Variants in SRRM4 observed in about 807,000 individuals in gnomAD.
The protein encoded by SRRM4 is serine/arginine repetitive matrix 4.
A neutral mutation model predicts 68.9 loss-of-function variants in SRRM4; 33 were observed. That is an observed-to-expected ratio of 0.48 (90% confidence interval 0.36 to 0.64). SRRM4 has a LOEUF of 0.64. Ranked by LOEUF, SRRM4 falls within the 30% of genes least tolerant of loss-of-function variation. The probability of loss-of-function intolerance (pLI) is 0.00; values close to 1 mark genes in which losing one functional copy is unlikely to be tolerated. For missense variants in SRRM4, 817 were observed against 827.1 expected (o/e 0.99, Z 0.15); for synonymous variants, 318 against 318.8 (o/e 1.00, Z 0.03).
chr12:119,131,118 A>AT, intron 8 of SRRM4, among the ~76,000 whole-genome samples: 1 of 152,170 alleles, frequency 6.6e-6, no homozygotes, highest in Non-Finnish European at 1.5e-5. Flanking sequence ...TATCTGCAGG[A>AT]AGACATGTTT....
chr12:119,050,557 T>A (rs1010368577), intron 1 of SRRM4, among the ~76,000 whole-genome samples: 80 of 152,244 alleles, frequency 5.3e-4, no homozygotes, highest in African/African-American at 1.8e-3. Context: ...CAGCAGAGTG[T>A]AAGACCTTTA....
chr12:119,067,999 A>G (rs1450708470), intron 1 of SRRM4, among the ~76,000 whole-genome samples: 1 of 152,222 alleles, frequency 6.6e-6, no homozygotes, highest in Non-Finnish European at 1.5e-5. Context: ...GGTTGGTGGC[A>G]CACACCTTAC....
chr12:119,113,376 G>T (rs1006984246), intron 2 of SRRM4, among the ~76,000 whole-genome samples: 2 of 152,168 alleles, frequency 1.3e-5, no homozygotes, highest in African/African-American at 4.8e-5. Flanking sequence ...TCAAATCCTA[G>T]CCTGGACACA....
At chr12:119,083,425 T>C (rs1392722368) in intron 1 of SRRM4, among the ~76,000 whole-genome samples, 1 of 152,028 alleles carries the variant, frequency 6.6e-6, no homozygotes, top group Non-Finnish European at 1.5e-5. Flanking sequence ...AGCCTTCAAC[T>C]AATGACTGAT....
At chr12:119,082,641 C>A (rs979341365) in intron 1 of SRRM4, among the ~76,000 whole-genome samples, 2 of 152,242 alleles carry the variant, frequency 1.3e-5, no homozygotes, top group African/African-American at 4.8e-5. Context: ...GCCAGCCCTG[C>A]ACCCAGCAGC....
At chr12:119,100,327 C>CGAAAAAAAAAAA (rs1954070780) in intron 1 of SRRM4, among the ~76,000 whole-genome samples, 1 of 105,446 alleles carries the variant, frequency 9.5e-6, no homozygotes. Context: ...CCTGTCTCTA[C>CGAAAAAAAAAAA]AAAAAAAAAA....
At chr12:119,009,072 CACAT>C (rs3999630) in intron 1 of SRRM4, among the ~76,000 whole-genome samples, 41,327 of 151,794 alleles carry the variant, frequency 0.27, 5,876 homozygotes, top group Non-Finnish European at 0.31. Flanking sequence ...CACACATACT[CACAT>C]ACACACACTC....
intron 8 of SRRM4, among the ~76,000 whole-genome samples, chr12:119,131,887 C>A (rs981410838): frequency 6.6e-6 from 1 of 152,128 alleles, no homozygotes; most frequent in Non-Finnish European, 1.5e-5. Flanking sequence ...TTGAAAATTT[C>A]AGGTAGATGG....
intron 2 of SRRM4, among the ~76,000 whole-genome samples, chr12:119,110,911 G>C (rs1236607519): frequency 6.6e-6 from 1 of 152,144 alleles, no homozygotes; most frequent in Admixed American, 6.5e-5. Context: ...ACTCACGCTG[G>C]GAGCTGTAGA....
intron 1 of SRRM4, among the ~76,000 whole-genome samples, chr12:119,075,833 GTGA>G (rs150272047): frequency 0.58 from 82,455 of 143,136 alleles, 25,003 homozygotes; most frequent in Middle Eastern, 0.77. Flanking sequence ...GATGGTGATG[GTGA>G]TGATGATGAT....
rs1448771127 is a variant in SRRM4, at chr12:118,982,664, A to ATTTTTTTT, written c.131+655_131+656insTTTTTTTT. Among the ~76,000 whole-genome samples, 3 of 59,450 alleles carry ATTTTTTTT rather than the reference A, an allele frequency of 5.0e-5. No homozygotes were observed. The East Asian group carries it at 9.2e-4, about 18-fold the overall frequency. The allele number at this position is 59,450 out of a possible 152,430, so 39.0% of individuals were successfully genotyped here. ...GTGAAGATGATCTTGGAAGAGTTTTATTTTGTTTTTTTTTGTTTTTTTTTT... is the reference window on the plus strand; with the variant it reads ...GTGAAGATGATCTTGGAAGAGTTTTATTTTTTTTTTTTGTTTTTTTTTGTTTTTTTTTT... On this transcript the variant is annotated intron_variant, in intron 1 of 12. Coordinates refer to ENST00000267260, the MANE Select transcript of SRRM4 (RefSeq NM_194286.4).
Position 119,125,446 on chromosome 12 carries a change from G to A in SRRM4, c.581G>A (p.Ser194Asn), listed in dbSNP as rs1475208607. The A allele has an allele frequency of 1.9e-6, 3 of 1,612,950 alleles. No homozygotes were observed. The highest frequency in any genetic ancestry group is 4.5e-5 in the East Asian group (2 of 44,784). Residue 194 changes from serine (S) to asparagine (N), a missense_variant, in exon 7 of 13, where the codon AGC becomes AAC. Coordinates refer to ENST00000267260, the MANE Select transcript of SRRM4 (RefSeq NM_194286.4). Reference protein sequence around the residue: ...RHHRCPSRSQSSESRPSSCES... With the variant: ...RHHRCPSRSQNSESRPSSCES... ...CACCGCTGCCCCTCGCGGTCCCAGAGCTCGGAGTCCCGCCCCTCAAGCTGT... is the reference window on the plus strand; with the variant it reads ...CACCGCTGCCCCTCGCGGTCCCAGAACTCGGAGTCCCGCCCCTCAAGCTGT...
intron 8 of SRRM4, among the ~76,000 whole-genome samples, chr12:119,134,089 A>G (rs1954313508): frequency 6.6e-6 from 1 of 152,234 alleles, no homozygotes; most frequent in African/African-American, 2.4e-5. Context: ...GAGCCCAAGC[A>G]TGAAGGATTT....
At chr12:118,992,884 C>G (rs1953325823) in intron 1 of SRRM4, among the ~76,000 whole-genome samples, 1 of 152,134 alleles carries the variant, frequency 6.6e-6, no homozygotes, top group Admixed American at 6.5e-5. Flanking sequence ...CACCCAGTCC[C>G]AAGACACCAC....
chr12:118,981,871 T>C lies in SRRM4; in HGVS notation c.-12T>C. The C allele has an allele frequency of 6.2e-7, 1 of 1,612,550 alleles. No individual in the cohort carries two copies. Among genetic ancestry groups the C allele is most frequent in the East Asian group, 2.2e-5 (1 of 44,818 alleles). ...ACAGCGCCCCGGACGCCCCGGCCCC[T>C]TTGGGTTGGCGATGGCGAGCGTTCA... is the stretch of plus-strand genomic sequence containing the variant. On this transcript the variant is annotated 5_prime_UTR_variant, in exon 1 of 13. Coordinates refer to ENST00000267260, the MANE Select transcript of SRRM4 (RefSeq NM_194286.4).
At chr12:118,986,301 G>A (rs111665118) in intron 1 of SRRM4, among the ~76,000 whole-genome samples, 3 of 152,248 alleles carry the variant, frequency 2.0e-5, no homozygotes, top group Non-Finnish European at 2.9e-5. Flanking sequence ...CGGTGAATGA[G>A]CGTTTTTCTC....
chr12:119,008,490 T>A (rs1953429522), intron 1 of SRRM4, among the ~76,000 whole-genome samples: 1 of 152,200 alleles, frequency 6.6e-6, no homozygotes, highest in Non-Finnish European at 1.5e-5. Flanking sequence ...TAATGTTGTG[T>A]AACACCTAAC....
chr12:119,139,168 G>A (rs754661344), intron 8 of SRRM4, among the ~76,000 whole-genome samples: 65 of 152,174 alleles, frequency 4.3e-4, no homozygotes, highest in Non-Finnish European at 7.8e-4. Context: ...TATCAATGTC[G>A]GAGGGGGGTG....
At chr12:119,132,331 C>T (rs1042226549) in intron 8 of SRRM4, 4 of 152,156 alleles carry the variant, frequency 2.6e-5, no homozygotes, top group South Asian at 2.1e-4. Flanking sequence ...ATGATTATCC[C>T]GCTTGTCTCC....
Sources: gnomAD v4.1 joint callset for allele counts (sites outside exome capture counted in the v4.1 genomes callset) on GRCh38, gnomAD v4.1.1 for gene constraint, MANE v1.5 for transcripts, NCBI Gene and HGNC (gene_info 2026-07-23, HGNC 2026-07-21) for gene names.